CLCN5: variants seen among roughly 807,000 people sequenced by gnomAD.
CLCN5 encodes the protein H(+)/Cl(-) exchange transporter 5.
CLCN5 carries 17 observed loss-of-function variants against 54.0 expected under a neutral mutation model. The ratio of observed to expected loss-of-function variants is 0.31; its 90% CI spans 0.22 to 0.47. CLCN5 has a LOEUF of 0.47. CLCN5 is among the 20% of genes least tolerant of loss of function. The pLI is 1.00. For missense variants in CLCN5, 448 were observed against 646.7 expected, an observed-to-expected ratio of 0.69 and a Z score of 3.33; for synonymous variants, 222 against 233.0, an observed-to-expected ratio of 0.95 and a Z score of 0.43.
chrX:50,028,477 GT>G (rs1557185350), intron 3 of CLCN5, among the ~76,000 whole-genome samples: 1 of 111,832 alleles, frequency 8.9e-6, no homozygotes, highest in African/African-American at 3.3e-5. Flanking sequence ...AGCCTCCTCA[GT>G]TATAGTTAGG....
intron 3 of CLCN5, among the ~76,000 whole-genome samples, chrX:49,944,330 T>C (rs1250763852): frequency 8.9e-6 from 1 of 111,755 alleles, no homozygotes; most frequent in Admixed American, 9.5e-5. Context: ...TTTCTAGATA[T>C]ACAATCATAT....
At position 50,095,061 on chromosome X, in the gene CLCN5, A is replaced by G. The variant is rs1368119269; in HGVS notation, c.*2842A>G. The G allele has an allele frequency of 8.9e-6, 1 of 112,477 alleles. No individual in the cohort carries two copies. The highest frequency in any genetic ancestry group is 1.9e-5 in the Non-Finnish European group (1 of 53,291). 9.3% of individuals were successfully genotyped at this position (112,477 alleles called of 1,213,427 possible). A position where few individuals can be genotyped will look rare whatever the true frequency, so the allele number is the denominator to read the frequency against. ...CTAGATGGTTTGTGATTTAAAAATT[A>G]ATGAGTCGAGATGAGACTATTTTGG... On this transcript the variant is annotated 3_prime_UTR_variant, in exon 15 of 15. Transcript: ENST00000376091.
intron 4 of CLCN5, among the ~76,000 whole-genome samples, chrX:50,051,654 CTATT>C (rs1557188382): frequency 2.7e-5 from 3 of 111,997 alleles, no homozygotes; most frequent in Non-Finnish European, 5.6e-5. Flanking sequence ...TGAACATTGA[CTATT>C]TATTCAGATC....
chrX:50,079,001 T>G (rs1405403735), intron 7 of CLCN5, among the ~76,000 whole-genome samples: 1 of 111,442 alleles, frequency 9.0e-6, no homozygotes, highest in Non-Finnish European at 1.9e-5. Flanking sequence ...TTTTTTGTAT[T>G]TTTAGTAGAG....
At chrX:49,980,140 C>T in intron 3 of CLCN5, among the ~76,000 whole-genome samples, 1 of 110,766 alleles carries the variant, frequency 9.0e-6, no homozygotes, top group Non-Finnish European at 1.9e-5. Flanking sequence ...ATATGTCTCC[C>T]TTAATTTTAC....
At chrX:50,035,678 G>A (rs1050014080) in intron 3 of CLCN5, among the ~76,000 whole-genome samples, 4 of 112,371 alleles carry the variant, frequency 3.6e-5, no homozygotes, top group African/African-American at 1.3e-4. Flanking sequence ...CTGAAAGTAC[G>A]TGGCCTAGGT....
chrX:50,040,771 A>G (rs1387962144), intron 3 of CLCN5, among the ~76,000 whole-genome samples: 2 of 111,829 alleles, frequency 1.8e-5, no homozygotes, highest in Admixed American at 1.9e-4. Context: ...CATCTGGCCT[A>G]TCCAGCATCA....
At chrX:49,964,254 C>G (rs114620626) in intron 3 of CLCN5, among the ~76,000 whole-genome samples, 17 of 112,401 alleles carry the variant, frequency 1.5e-4, no homozygotes, top group African/African-American at 4.8e-4. Context: ...AAAGTCACTG[C>G]ATGTTAGTGA....
intron 3 of CLCN5, among the ~76,000 whole-genome samples, chrX:50,016,175 T>G (rs1159439803): frequency 9.0e-6 from 1 of 111,377 alleles, no homozygotes. Context: ...GGCCCAGCAA[T>G]CTGTGTTTTA....
At chrX:50,037,389 T>C (rs1932044410) in intron 3 of CLCN5, among the ~76,000 whole-genome samples, 1 of 112,301 alleles carries the variant, frequency 8.9e-6, no homozygotes, top group African/African-American at 3.2e-5. Flanking sequence ...GTAGGTGGCC[T>C]TGCTTAGGGA....
chrX:49,952,832 G>A (rs1471865711), intron 3 of CLCN5, among the ~76,000 whole-genome samples: 1 of 110,883 alleles, frequency 9.0e-6, no homozygotes, highest in Non-Finnish European at 1.9e-5. Flanking sequence ...GATTTAAAAA[G>A]AGAGAGAACC....
intron 9 of CLCN5, among the ~76,000 whole-genome samples, chrX:50,083,992 C>T (rs1215844333): frequency 1.8e-5 from 2 of 111,851 alleles, no homozygotes; most frequent in Non-Finnish European, 3.8e-5. Context: ...TCTACAGATG[C>T]CATATATTTC....
At chrX:50,080,488 T>G in intron 7 of CLCN5, 106 bp from the exon 8 acceptor site, 1 of 722,455 alleles carries the variant, frequency 1.4e-6, no homozygotes, top group South Asian at 2.6e-5. Context: ...TCGGTGGTTT[T>G]TTTTTTTTTT....
intron 9 of CLCN5, among the ~76,000 whole-genome samples, chrX:50,082,049 A>G (rs1322462443): frequency 2.7e-5 from 3 of 111,693 alleles, no homozygotes; most frequent in Admixed American, 9.5e-5. Flanking sequence ...GTCTGTCAAC[A>G]TAGTAAAAAA....
chrX:50,059,497 A>T (rs1441156775), intron 4 of CLCN5, among the ~76,000 whole-genome samples: 1 of 111,660 alleles, frequency 9.0e-6, no homozygotes, highest in African/African-American at 3.3e-5. Context: ...AGGATGCATT[A>T]AAAGTTGGTA....
At chrX:49,994,338 G>A (rs985464642) in intron 3 of CLCN5, among the ~76,000 whole-genome samples, 2 of 110,896 alleles carry the variant, frequency 1.8e-5, no homozygotes, top group Non-Finnish European at 3.8e-5. Flanking sequence ...GTATGGTGGG[G>A]CAAGGTGGAG....
intron 4 of CLCN5, chrX:50,067,465 G>A (rs1933064945): frequency 3.4e-6 from 1 of 293,220 alleles, no homozygotes; most frequent in Non-Finnish European, 4.5e-6. Flanking sequence ...TTGTTTAGAT[G>A]AGACTACATC....
intron 3 of CLCN5, among the ~76,000 whole-genome samples, chrX:49,965,241 C>A (rs1340938496): frequency 1.8e-5 from 2 of 111,246 alleles, no homozygotes; most frequent in Non-Finnish European, 1.9e-5. Context: ...TCAATTTTTT[C>A]AGCTCTATTG....
At chrX:50,064,528 A>G (rs1557190482) in intron 4 of CLCN5, among the ~76,000 whole-genome samples, 1 of 90,693 alleles carries the variant, frequency 1.1e-5, no homozygotes, top group Non-Finnish European at 2.2e-5. Context: ...AACAAATGGA[A>G]GAACATTCCA....
Sources: gnomAD v4.1 joint callset for allele counts (sites outside exome capture counted in the v4.1 genomes callset) on GRCh38, gnomAD v4.1.1 for gene constraint, MANE v1.5 for transcripts, NCBI Gene and HGNC (gene_info 2026-07-23, HGNC 2026-07-21) for gene names.